SEPTIN14: variants seen among roughly 807,000 people sequenced by gnomAD.
The protein encoded by SEPTIN14 is septin-14.
SEPTIN14 carries 40 observed loss-of-function variants against 53.6 expected under a neutral mutation model. The observed-to-expected ratio is 0.75, with a 90% CI of 0.58 to 0.97. SEPTIN14 has a LOEUF of 0.97. Among genes scored for constraint, SEPTIN14 ranks in the 50% least tolerant of loss-of-function variants. The pLI is 0.00. For synonymous variants in SEPTIN14, 138 were observed against 166.8 expected (o/e 0.83, Z 1.33); for missense variants, 471 against 508.2 (o/e 0.93, Z 0.70).
At chr7:55,812,654 A>G (rs1212103647) in intron 7 of SEPTIN14, among the ~76,000 whole-genome samples, 1 of 152,194 alleles carries the variant, frequency 6.6e-6, no homozygotes, top group African/African-American at 2.4e-5. Context: ...AAATTGAACA[A>G]ATATCCATGC....
rs150192592 is a variant in SEPTIN14, at chr7:55,848,279, G to A, written c.55-1642C>T. On this transcript the variant is annotated intron_variant, in intron 2 of 9. Coordinates refer to ENST00000388975, the MANE Select transcript of SEPTIN14 (RefSeq NM_207366.3). ...CGGGCTCCAGCAATTTTCCAGCCTC[G>A]GCCTCTAGAAAAGCTGGGACTACAT... 2.8e-3 allele frequency among the ~76,000 whole-genome samples: 432 copies of A among 152,108 alleles called. 5 individuals carry two copies. The highest frequency in any genetic ancestry group is 0.01 in the Middle Eastern group (3 of 294).
chr7:55,831,763 TCAA>T (rs1584263350), intron 6 of SEPTIN14, among the ~76,000 whole-genome samples: 5 of 151,484 alleles, frequency 3.3e-5, no homozygotes, highest in South Asian at 2.1e-4. Context: ...CACAAACAAC[TCAA>T]CAACAACAAA....
intron 2 of SEPTIN14, among the ~76,000 whole-genome samples, chr7:55,849,279 C>T (rs1197525970): frequency 5.9e-5 from 9 of 151,262 alleles, no homozygotes; most frequent in African/African-American, 1.9e-4. Flanking sequence ...GAACTGAAAT[C>T]GGACCACTGC....
chr7:55,845,003 A>G lies in SEPTIN14; in HGVS notation c.176-285T>C, dbSNP rs555341292. Among the ~76,000 whole-genome samples the G allele has an allele frequency of 1.3e-3, 196 of 151,780 alleles. 1 individual carries two copies. The highest frequency in any genetic ancestry group is 2.0e-3 in the Non-Finnish European group (133 of 67,970). ...CATGACATGAGGGTTTGTTGTACAG[A>G]TTATTTCATCACCCAGGTACTAAGC... On this transcript the variant is annotated intron_variant, in intron 3 of 9. Coordinates refer to ENST00000388975, the MANE Select transcript of SEPTIN14 (RefSeq NM_207366.3).
At chr7:55,848,676 T>C (rs1268603232) in intron 2 of SEPTIN14, among the ~76,000 whole-genome samples, 5 of 148,190 alleles carry the variant, frequency 3.4e-5, no homozygotes, top group Non-Finnish European at 7.4e-5. Flanking sequence ...AGTGGCACGA[T>C]GGCTCACTGC....
rs1442041602 is a variant in SEPTIN14, at chr7:55,842,921, T to C, written c.558+21A>G. ...AGACTCCGTCTCAAAAAAAAAAAGA[T>C]GGTAGATTTACCAAACATACCTTAC... is the stretch of plus-strand genomic sequence containing the variant. On this transcript the variant is annotated intron_variant, in intron 5 of 9. Coordinates refer to ENST00000388975, the MANE Select transcript of SEPTIN14 (RefSeq NM_207366.3). The C allele has an allele frequency of 9.8e-6, 14 of 1,429,750 alleles. 1 individual carries two copies. The highest frequency in any genetic ancestry group is 8.8e-5 in the African/African-American group (6 of 68,152). The allele number at this position is 1,429,750 out of a possible 1,614,324, so 88.6% of individuals were successfully genotyped here.
intron 3 of SEPTIN14, 127 bp downstream of exon 3, chr7:55,846,390 A>G (rs1789413509): frequency 1.5e-6 from 1 of 672,900 alleles, no homozygotes; most frequent in Non-Finnish European, 2.4e-6. Flanking sequence ...TATGGCTAAG[A>G]TGAGAATCAC....
chr7:55,816,079 A>T (rs1380411291), intron 7 of SEPTIN14, among the ~76,000 whole-genome samples: 1 of 152,232 alleles, frequency 6.6e-6, no homozygotes, highest in East Asian at 1.9e-4. Flanking sequence ...CATTCTGTTA[A>T]GTGAAATAAG....
intron 6 of SEPTIN14, among the ~76,000 whole-genome samples, chr7:55,822,652 A>G (rs1213826088): frequency 4.6e-5 from 7 of 152,184 alleles, no homozygotes; most frequent in Non-Finnish European, 8.8e-5. Context: ...AATGGAGACA[A>G]GATATTCTTT....
intron 6 of SEPTIN14, 112 bp downstream of exon 6, chr7:55,834,313 A>C (rs1383364997): frequency 1.5e-6 from 1 of 680,492 alleles, no homozygotes; most frequent in South Asian, 2.5e-5. Context: ...TTTACAAAGA[A>C]TCGATTCTCA....
intron 9 of SEPTIN14, among the ~76,000 whole-genome samples, chr7:55,800,623 C>CA (rs57111413): frequency 0.22 from 23,994 of 111,114 alleles, 2,501 homozygotes; most frequent in East Asian, 0.47. Context: ...GACTTTGTCT[C>CA]AAAAAAAAAA....
chr7:55,852,202 C>T (rs887485799), intron 2 of SEPTIN14, among the ~76,000 whole-genome samples: 20 of 151,296 alleles, frequency 1.3e-4, no homozygotes, highest in Non-Finnish European at 1.2e-4. Context: ...AAAATTTATA[C>T]GTACCCACAA....
intron 3 of SEPTIN14, among the ~76,000 whole-genome samples, chr7:55,845,874 C>T (rs1789393031): frequency 1.3e-5 from 2 of 149,070 alleles, no homozygotes; most frequent in African/African-American, 4.9e-5. Context: ...ATGGTGAAAC[C>T]CCGTCTGTAC....
chr7:55,809,458 T>C (rs959060136), intron 7 of SEPTIN14, among the ~76,000 whole-genome samples: 1 of 150,962 alleles, frequency 6.6e-6, no homozygotes, highest in African/African-American at 2.4e-5. Context: ...TGGGTTCAAG[T>C]GATTCTCCTG....
intron 7 of SEPTIN14, chr7:55,811,086 T>C (rs569575734): frequency 0.011 from 5,033 of 463,030 alleles, 236 homozygotes; most frequent in African/African-American, 0.092. Flanking sequence ...CTTTCGTGTT[T>C]CAGCAGATGT....
intron 6 of SEPTIN14, among the ~76,000 whole-genome samples, chr7:55,825,641 A>G (rs1301506179): frequency 2.0e-5 from 3 of 152,200 alleles, no homozygotes; most frequent in Non-Finnish European, 4.4e-5. Context: ...CCATAAAACT[A>G]CTAAAAAAAC....
Position 55,801,566 on chromosome 7 carries a change from G to A in SEPTIN14, c.1119+3692C>T, listed in dbSNP as rs565446885. ...GGAGATTTAATCAGTAACAAAAAAT[G>A]CTACCAAAGAAAAGGCCGTACTAGG... On this transcript the variant is annotated intron_variant, in intron 9 of 9. Coordinates refer to ENST00000388975, the MANE Select transcript of SEPTIN14 (RefSeq NM_207366.3). Among the ~76,000 whole-genome samples, 18 of 152,240 alleles carry A rather than the reference G, an allele frequency of 1.2e-4. No homozygotes were observed. The South Asian group carries it at 3.3e-3, about 28-fold the overall frequency.
intron 4 of SEPTIN14, among the ~76,000 whole-genome samples, chr7:55,843,599 C>G (rs1314489503): frequency 1.3e-5 from 2 of 152,148 alleles, no homozygotes; most frequent in Non-Finnish European, 2.9e-5. Flanking sequence ...TTTGGGAGGC[C>G]AAGGTGGGTG....
In SEPTIN14 at chr7:55,843,091, C is replaced by A. The variant is rs1789343070; in HGVS notation, c.409G>T (p.Glu137Ter). Residue 137 changes from glutamate to a stop codon, truncating the protein, a stop_gained, in exon 5 of 10, where the codon GAG becomes TAG. Coordinates refer to ENST00000388975, the MANE Select transcript of SEPTIN14 (RefSeq NM_207366.3). LOFTEE classifies it high-confidence loss of function. ...PIVDYIDAQF[E>*]AYLQEELKIK... ...TTCAGTTCTTCTTGAAGATAGGCCTCAAATTGGGCATCTATGTAGTCAACT... is the reference window on the plus strand; with the variant it reads ...TTCAGTTCTTCTTGAAGATAGGCCTAAAATTGGGCATCTATGTAGTCAACT... The A allele has an allele frequency of 6.2e-7, 1 of 1,603,318 alleles. No homozygotes were observed. Among genetic ancestry groups the A allele is most frequent in the Non-Finnish European group, 8.5e-7 (1 of 1,176,896 alleles).
Sources: gnomAD v4.1 joint callset for allele counts (sites outside exome capture counted in the v4.1 genomes callset) on GRCh38, gnomAD v4.1.1 for gene constraint, MANE v1.5 for transcripts, NCBI Gene and HGNC (gene_info 2026-07-23, HGNC 2026-07-21) for gene names.